The following ERMP1 variants were observed in gnomAD, a reference collection of about 807,000 sequenced individuals.
ERMP1 encodes endoplasmic reticulum metallopeptidase 1, also known as Felix-ina.
A neutral mutation model predicts 92.0 loss-of-function variants in ERMP1; 86 were observed. The ratio of observed to expected loss-of-function variants is 0.93; its 90% CI spans 0.79 to 1.12. The LOEUF is 1.12. ERMP1 is among the 50% of genes most tolerant of loss of function. The pLI is 0.00. For synonymous variants in ERMP1, 530 were observed against 412.8 expected, an observed-to-expected ratio of 1.28 and a Z score of -3.44; for missense variants, 1,342 against 1,116.3, an observed-to-expected ratio of 1.20 and a Z score of -2.88.
chr9:5,804,615 G>T (rs543310077), intron 10 of ERMP1, among the ~76,000 whole-genome samples: 4 of 152,250 alleles, frequency 2.6e-5, no homozygotes, highest in African/African-American at 9.6e-5. Flanking sequence ...TCCTTCACTA[G>T]CTCTAAAAGC....
At chr9:5,833,440 G>C (rs1467516927), upstream of ERMP1, among the ~76,000 whole-genome samples, 1 of 152,172 alleles carries the variant, frequency 6.6e-6, no homozygotes, top group African/African-American at 2.4e-5. Context: ...AGAACATCAG[G>C]CTCCAAAAAA....
intron 5 of ERMP1, among the ~76,000 whole-genome samples, chr9:5,861,170 GGTGTGTGTGTGTGTGTGTGT>G (rs35593711): frequency 9.8e-5 from 10 of 102,138 alleles, no homozygotes; most frequent in African/African-American, 2.8e-4. Flanking sequence ...TGGCTTAGGG[GGTGTGTGTGTGTGTGTGTGT>G]GTGTGTGTGT....
intron 8 of ERMP1, among the ~76,000 whole-genome samples, chr9:5,809,360 G>A (rs1829001902): frequency 6.6e-6 from 1 of 152,144 alleles, no homozygotes; most frequent in Non-Finnish European, 1.5e-5. Flanking sequence ...ACAAATTTAT[G>A]CATTTGAAAC....
intron 6 of ERMP1, chr9:5,856,217 G>C: frequency 3.5e-6 from 1 of 287,754 alleles, no homozygotes; most frequent in Non-Finnish European, 7.0e-6. Flanking sequence ...GGGCATACCT[G>C]TTCTCCAACT....
intron 10 of ERMP1, among the ~76,000 whole-genome samples, chr9:5,801,967 C>T (rs1027657851): frequency 6.6e-6 from 1 of 152,142 alleles, no homozygotes; most frequent in Non-Finnish European, 1.5e-5. Flanking sequence ...TATTTTCAAT[C>T]GTAATGAAAT....
chr9:5,808,608 T>C (rs1043554533), intron 8 of ERMP1, among the ~76,000 whole-genome samples: 2 of 152,250 alleles, frequency 1.3e-5, no homozygotes, highest in Non-Finnish European at 2.9e-5. Context: ...TTTATCAGGA[T>C]AAATTGAAAA....
At chr9:5,831,124 G>C in intron 1 of ERMP1, 96 bp from the exon 2 acceptor site, 3 of 934,288 alleles carry the variant, frequency 3.2e-6, no homozygotes, top group Non-Finnish European at 3.3e-6. Flanking sequence ...CCCCAAAAAA[G>C]CTTAGTTCTT....
intron 6 of ERMP1, among the ~76,000 whole-genome samples, chr9:5,845,391 C>A (rs545780500): frequency 6.6e-6 from 1 of 152,114 alleles, no homozygotes; most frequent in South Asian, 2.1e-4. Context: ...AGCAAGACCC[C>A]ATTTCAAAAT....
At chr9:5,866,918 G>A (rs749562306) in intron 5 of ERMP1, among the ~76,000 whole-genome samples, 1 of 152,146 alleles carries the variant, frequency 6.6e-6, no homozygotes, top group African/African-American at 2.4e-5. Flanking sequence ...AGAATGGGTT[G>A]TTTGAGGCCA....
intron 2 of ERMP1, among the ~76,000 whole-genome samples, chr9:5,830,383 T>A (rs901133855): frequency 6.6e-6 from 1 of 152,088 alleles, no homozygotes; most frequent in Non-Finnish European, 1.5e-5. Context: ...CCCAGCTGAG[T>A]AAAACACTTT....
At chr9:5,837,866 G>C (rs145599741), upstream of ERMP1, among the ~76,000 whole-genome samples, 19 of 152,304 alleles carry the variant, frequency 1.2e-4, no homozygotes, top group East Asian at 3.7e-3. Flanking sequence ...ACTTTGGGAG[G>C]CTGAGGCAGG....
chr9:5,805,281 AGTACT>A, intron 9 of ERMP1, 64 bp from the exon 10 acceptor site: 1 of 1,280,512 alleles, frequency 7.8e-7, no homozygotes, highest in Non-Finnish European at 1.1e-6. Context: ...AAATTTTTAT[AGTACT>A]GGTGTGCCTT....
chr9:5,808,106 A>C (rs146601540), intron 8 of ERMP1, among the ~76,000 whole-genome samples: 2 of 152,190 alleles, frequency 1.3e-5, no homozygotes, highest in African/African-American at 4.8e-5. Context: ...TACAGGTGTA[A>C]GCCACCATGC....
intron 4 of ERMP1, among the ~76,000 whole-genome samples, chr9:5,814,180 G>T (rs1443247155): frequency 6.6e-6 from 1 of 151,932 alleles, no homozygotes; most frequent in Non-Finnish European, 1.5e-5. Context: ...CCCTTATAGG[G>T]GCTTCTCCTT....
At chr9:5,810,699 C>T (rs1563758819) in intron 7 of ERMP1, among the ~76,000 whole-genome samples, 1 of 152,002 alleles carries the variant, frequency 6.6e-6, no homozygotes, top group Non-Finnish European at 1.5e-5. Flanking sequence ...TAACAGCACA[C>T]AACAACTTAG....
chr9:5,798,232 G>C (rs1269704483), intron 12 of ERMP1, among the ~76,000 whole-genome samples: 2 of 149,228 alleles, frequency 1.3e-5, no homozygotes, highest in Non-Finnish European at 3.0e-5. Flanking sequence ...TTTTTTCTTT[G>C]AGAGACAGAG....
chr9:5,832,898 T>G lies in ERMP1; in HGVS notation c.130A>C (p.Ser44Arg), dbSNP rs1830015528. 26 of 1,556,026 alleles carry G rather than the reference T, an allele frequency of 1.7e-5. 1 individual carries two copies. Among genetic ancestry groups the G allele is most frequent in the Non-Finnish European group, 2.0e-5 (23 of 1,161,702 alleles). The change falls in exon 1 of 15, where the codon AGC becomes CGC. Residue 44 changes from serine (S) to arginine (R), a missense_variant. Transcript: ENST00000339450. ...CTCTTCCGCGTCCTCCCGCCGCCGCTGCACCCATCCACCAGAGGCTCCTGC... is the reference window on the plus strand; with the variant it reads ...CTCTTCCGCGTCCTCCCGCCGCCGCGGCACCCATCCACCAGAGGCTCCTGC... ...RAQEPLVDGCSGGGRTRKRSP... is the reference protein window; with the variant it reads ...RAQEPLVDGCRGGGRTRKRSP...
At chr9:5,838,664 A>C (rs1398297260) in intron 6 of ERMP1, among the ~76,000 whole-genome samples, 2 of 152,204 alleles carry the variant, frequency 1.3e-5, no homozygotes, top group Admixed American at 1.3e-4. Context: ...TATGGAAATG[A>C]CTTAAGCATA....
At chr9:5,842,284 C>T (rs1830174788) in intron 6 of ERMP1, among the ~76,000 whole-genome samples, 1 of 151,904 alleles carries the variant, frequency 6.6e-6, no homozygotes, top group Non-Finnish European at 1.5e-5. Flanking sequence ...ATTTACAAAT[C>T]TTTAGCTAGA....
Sources: allele counts gnomAD v4.1 joint callset (sites outside exome capture counted in the v4.1 genomes callset), GRCh38; gene constraint gnomAD v4.1.1; transcripts MANE v1.5; gene names NCBI Gene and HGNC (gene_info 2026-07-23, HGNC 2026-07-21).